Variants in PDE1C observed in about 807,000 individuals in gnomAD.
The protein encoded by PDE1C is phosphodiesterase 1C, also known as dual specificity calcium/calmodulin-dependent 3',5'-cyclic nucleotide phosphodiesterase 1C.
Under a neutral mutation model 93.1 loss-of-function variants are expected in PDE1C, and 62 were observed. The observed-to-expected ratio is 0.67, with a 90% CI of 0.54 to 0.82. PDE1C has a LOEUF of 0.82. Ranked by LOEUF, PDE1C falls within the 40% of genes least tolerant of loss-of-function variation. The pLI, the probability that PDE1C is intolerant of heterozygous loss-of-function variation, is 0.00. For missense variants in PDE1C, 742 were observed against 884.6 expected (o/e 0.84, Z 2.04); for synonymous variants, 325 against 310.1 (o/e 1.05, Z -0.50).
chr7:32,405,987 T>C (rs1379052499), intron 1 of PDE1C, among the ~76,000 whole-genome samples: 3 of 152,188 alleles, frequency 2.0e-5, no homozygotes, highest in Non-Finnish European at 4.4e-5. Flanking sequence ...CTCAGCATAC[T>C]TTTCAAAGAA....
chr7:31,853,719 G>GT lies in PDE1C; in HGVS notation c.751-2979dup, dbSNP rs199715911. On this transcript the variant is annotated intron_variant, in intron 7 of 17. Coordinates refer to ENST00000396191, the MANE Select transcript of PDE1C (RefSeq NM_001191057.4). ...TTGTTTTCGTTTTGTTTTTGTTTTT[G>GT]TTTTTTTTTAAACAGGGTCTCACTC... Among the ~76,000 whole-genome samples, 578 of 150,010 alleles carry GT rather than the reference G, an allele frequency of 3.9e-3. 28 individuals are homozygous for GT. In the East Asian group the frequency reaches 0.097, roughly 25 times the overall value.
chr7:31,762,369 C>G (rs1159295992), intron 17 of PDE1C, among the ~76,000 whole-genome samples: 6 of 152,142 alleles, frequency 3.9e-5, no homozygotes, highest in African/African-American at 1.2e-4. Flanking sequence ...GAGATGGAGT[C>G]TCGCTCTGTC....
chr7:32,382,221 G>A (rs529600332), intron 1 of PDE1C, among the ~76,000 whole-genome samples: 2 of 152,128 alleles, frequency 1.3e-5, no homozygotes, highest in South Asian at 2.1e-4. Context: ...TTGATGAAGC[G>A]CCGCCATCCT....
At chr7:31,658,508 G>A in the PDE1C span, 3 of 843,948 alleles carry the variant, frequency 3.6e-6, no homozygotes, top group Non-Finnish European at 4.9e-6. Context: ...AGAAGAAAAA[G>A]TTTTAGAGTG....
At chr7:31,651,073 T>A in the PDE1C span, 2 of 1,529,784 alleles carry the variant, frequency 1.3e-6, no homozygotes, top group Non-Finnish European at 1.8e-6. Context: ...GAAGACAGGC[T>A]CCACCATGGT....
At chr7:31,880,572 G>C (rs534025222) in intron 3 of PDE1C, among the ~76,000 whole-genome samples, 175 bp downstream of exon 3, 1 of 152,264 alleles carries the variant, frequency 6.6e-6, no homozygotes, top group South Asian at 2.1e-4. Context: ...AGATGAGGCG[G>C]TACAGAGAGT....
At chr7:31,706,315 T>A in the PDE1C span, among the ~76,000 whole-genome samples, 1 of 152,020 alleles carries the variant, frequency 6.6e-6, no homozygotes, top group Non-Finnish European at 1.5e-5. Flanking sequence ...CAGTAAATTT[T>A]TAAAACAAAA....
the PDE1C span, among the ~76,000 whole-genome samples, chr7:31,654,461 G>A: frequency 1.3e-5 from 2 of 152,108 alleles, no homozygotes; most frequent in East Asian, 1.9e-4. Flanking sequence ...TTTTAAGCAG[G>A]GTCGTCATAT....
the PDE1C span, among the ~76,000 whole-genome samples, chr7:31,736,955 T>TA: frequency 2.9e-4 from 44 of 151,340 alleles, no homozygotes; most frequent in African/African-American, 4.6e-4. Flanking sequence ...TTTCCCCCTT[T>TA]AAAAAAAACA....
At chr7:32,348,790 C>T (rs2128082218) in intron 1 of PDE1C, among the ~76,000 whole-genome samples, 1 of 152,294 alleles carries the variant, frequency 6.6e-6, no homozygotes, top group East Asian at 1.9e-4. Flanking sequence ...CATTGAAGCT[C>T]CTATTCCAGA....
At chr7:32,165,279 A>G (rs1258731644) in intron 3 of PDE1C, among the ~76,000 whole-genome samples, 2 of 152,222 alleles carry the variant, frequency 1.3e-5, no homozygotes, top group African/African-American at 4.8e-5. Context: ...GGTACTGGAC[A>G]CTGTGCTTGG....
At chr7:32,320,137 C>T (rs1678395151) in intron 1 of PDE1C, among the ~76,000 whole-genome samples, 1 of 152,128 alleles carries the variant, frequency 6.6e-6, no homozygotes, top group Admixed American at 6.5e-5. Context: ...TCACCAAATC[C>T]TTATTTGTAA....
rs2128766078 is a variant in PDE1C, at chr7:32,123,692, G to A, written c.308+46093C>T. The stretch of plus-strand genomic sequence containing the variant: ...AAAAACTCTCAATAAACTAGGCATT[G>A]ATTGAACATATCTCAAAACAATAAA... On this transcript the variant is annotated intron_variant, in intron 3 of 18. Coordinates refer to the PDE1C transcript ENST00000396193. Among the ~76,000 whole-genome samples the A allele has an allele frequency of 3.3e-5, 5 of 152,268 alleles. 1 individual carries two copies.
intron 1 of PDE1C, among the ~76,000 whole-genome samples, chr7:32,260,581 C>T (rs1585043359): frequency 6.6e-6 from 1 of 152,108 alleles, no homozygotes; most frequent in African/African-American, 2.4e-5. Context: ...TGTGGTGAAA[C>T]CAACTTTGCA....
intron 2 of PDE1C, among the ~76,000 whole-genome samples, chr7:31,942,555 A>T (rs180858201): frequency 4.6e-5 from 7 of 152,284 alleles, no homozygotes; most frequent in South Asian, 2.1e-4. Flanking sequence ...CCTTTGTCTC[A>T]CAGGTTATAA....
chr7:32,082,105 T>G (rs1285403374), intron 3 of PDE1C, among the ~76,000 whole-genome samples: 2 of 152,262 alleles, frequency 1.3e-5, no homozygotes, highest in Non-Finnish European at 2.9e-5. Context: ...TTCCCTTTCC[T>G]AGTCAAAGAA....
chr7:31,749,205 A>G (rs1359505903), downstream of PDE1C, among the ~76,000 whole-genome samples: 1 of 152,098 alleles, frequency 6.6e-6, no homozygotes, highest in Non-Finnish European at 1.5e-5. Flanking sequence ...GCACCTATAA[A>G]TGAAAGTCAC....
chr7:31,839,171 CACAT>C (rs199991409), intron 9 of PDE1C, among the ~76,000 whole-genome samples: 323 of 148,062 alleles, frequency 2.2e-3, no homozygotes, highest in African/African-American at 7.4e-3. Context: ...TATGTATACA[CACAT>C]ACATATACGT....
chr7:31,741,634 GT>G, the PDE1C span, among the ~76,000 whole-genome samples: 3 of 152,080 alleles, frequency 2.0e-5, no homozygotes, highest in African/African-American at 4.8e-5. Flanking sequence ...TGGTGACTGG[GT>G]TTTATTCCAG....
Sources: allele counts gnomAD v4.1 joint callset (sites outside exome capture counted in the v4.1 genomes callset), GRCh38; gene constraint gnomAD v4.1.1; transcripts MANE v1.5; gene names NCBI Gene and HGNC (gene_info 2026-07-23, HGNC 2026-07-21).